MYO9B: variants seen among roughly 807,000 people sequenced by gnomAD.
The protein encoded by MYO9B is unconventional myosin-IXb.
MYO9B carries 71 observed loss-of-function variants against 229.5 expected under a neutral mutation model. The observed-to-expected ratio is 0.31, with a 90% CI of 0.26 to 0.38. MYO9B has a LOEUF of 0.38. Among genes scored for constraint, MYO9B ranks in the 10% least tolerant of loss-of-function variants. The pLI, the probability that MYO9B is intolerant of heterozygous loss-of-function variation, is 1.00. For missense variants in MYO9B, 2,255 were observed against 2,920.5 expected (o/e 0.77, Z 5.25); for synonymous variants, 1,185 against 1,235.8 (o/e 0.96, Z 0.86).
At position 17,202,019 on chromosome 19, in the gene MYO9B, G is replaced by C; in HGVS notation, c.4657G>C (p.Val1553Leu). The change falls in exon 27 of 40, where the codon GTC (valine) becomes CTC (leucine). Residue 1553 changes from valine to leucine, a missense_variant. Around this residue, in one of 7 missense-constraint regions of MYO9B, gnomAD observed 416 missense variants for 605.5 expected, o/e 0.69. Transcript: ENST00000682292. ...GAGCAACATCAAAACGATGTACTCT[G>C]TCCCGGTATGTGGCGGCCCGGCCTT... Reference protein sequence around the residue: ...FRSNIKTMYSVPNGKIHVGYK... With the variant: ...FRSNIKTMYSLPNGKIHVGYK... 1 of 1,612,442 alleles carries C rather than the reference G, an allele frequency of 6.2e-7. No individual in the cohort carries two copies. Among genetic ancestry groups the C allele is most frequent in the Admixed American group, 1.7e-5 (1 of 59,732 alleles).
rs2073003992 is a variant in MYO9B at position 17,193,054 on chromosome 19, G to A, written c.3120G>A (p.Gln1040=). 1.4e-6 allele frequency: 2 copies of A among 1,457,678 alleles called. No individual in the cohort carries two copies. Among genetic ancestry groups the A allele is most frequent in the Non-Finnish European group, 1.8e-6 (2 of 1,105,102 alleles). 90.3% of individuals were successfully genotyped at this position (1,457,678 alleles called of 1,614,324 possible). A position where few individuals can be genotyped will look rare whatever the true frequency, so the allele number is the denominator to read the frequency against. ...AGAGCCTGTGTCGGGGGCACCTGCA[G>A]CGCAAGAGGTGAGCAGAGCCGGGCC... ...RLQSLCRGHL[Q]RKSFSQMISE... The change falls in exon 21 of 40, where the codon CAG becomes CAA. Residue 1040 remains glutamine (Q), a synonymous_variant. Coordinates refer to ENST00000682292, the MANE Select transcript of MYO9B (RefSeq NM_004145.4). The surrounding 1 kb of genome is among the most constrained non-coding windows in gnomAD (Gnocchi z 4.3).
intron 2 of MYO9B, among the ~76,000 whole-genome samples, chr19:17,105,665 T>C (rs7249490): frequency 0.77 from 116,668 of 151,996 alleles, 45,306 homozygotes; most frequent in African/African-American, 0.87. Flanking sequence ...CCCCACCCTT[T>C]CTGGAGCCTT....
intron 2 of MYO9B, among the ~76,000 whole-genome samples, chr19:17,136,834 G>T (rs2072276268): frequency 6.6e-6 from 1 of 152,160 alleles, no homozygotes; most frequent in Admixed American, 6.6e-5. Context: ...GCTCACACCT[G>T]TAATCTCAGC....
chr19:17,137,813 A>C (rs1178006224), intron 2 of MYO9B, among the ~76,000 whole-genome samples: 2 of 151,690 alleles, frequency 1.3e-5, no homozygotes, highest in Non-Finnish European at 2.9e-5. Context: ...GCGCAAATGC[A>C]GCTGCAGCCT....
chr19:17,117,954 AAAAG>A (rs957330807), intron 2 of MYO9B, among the ~76,000 whole-genome samples: 5 of 151,430 alleles, frequency 3.3e-5, no homozygotes, highest in South Asian at 2.1e-4. Flanking sequence ...AAAAAAAAAA[AAAAG>A]AAAAGACATA....
chr19:17,127,013 AT>A (rs71180364), intron 2 of MYO9B, among the ~76,000 whole-genome samples: 191 of 92,842 alleles, frequency 2.1e-3, no homozygotes, highest in Middle Eastern at 0.01. Flanking sequence ...TCCCCTAAGC[AT>A]TTTTTTTTTT....
chr19:17,137,248 G>T (rs933935643), intron 2 of MYO9B, among the ~76,000 whole-genome samples: 2 of 149,786 alleles, frequency 1.3e-5, no homozygotes, highest in African/African-American at 4.9e-5. Flanking sequence ...AAAAAAGCCA[G>T]GTGCGGTGAT....
At chr19:17,157,414 C>T (rs1282063309) in intron 7 of MYO9B, 1 of 195,384 alleles carries the variant, frequency 5.1e-6, no homozygotes, top group Non-Finnish European at 1.1e-5. Flanking sequence ...AAGAAATTAG[C>T]CAGTGGTGGT....
chr19:17,095,652 T>C (rs2057680358), intron 1 of MYO9B: 1 of 152,272 alleles, frequency 6.6e-6, no homozygotes, highest in Non-Finnish European at 1.5e-5. Context: ...TGAATAGAGC[T>C]GCAGTGGACA....
At chr19:17,146,450 G>A (rs911830017) in intron 3 of MYO9B, among the ~76,000 whole-genome samples, 1 of 151,952 alleles carries the variant, frequency 6.6e-6, no homozygotes, top group Non-Finnish European at 1.5e-5. Context: ...CAGGTGGCTG[G>A]ATAGATGGAT....
intron 2 of MYO9B, among the ~76,000 whole-genome samples, chr19:17,140,279 CA>C (rs2072321573): frequency 2.0e-5 from 3 of 152,168 alleles, no homozygotes. Context: ...AGTTCAAGGT[CA>C]AGGCTCTGGC....
chr19:17,167,801 A>T, intron 10 of MYO9B, 142 bp from the exon 11 acceptor site: 1 of 1,108,530 alleles, frequency 9.0e-7, no homozygotes, highest in Non-Finnish European at 1.3e-6. Context: ...ATTTTAAGCC[A>T]CGCATCAGTT....
intron 2 of MYO9B, among the ~76,000 whole-genome samples, chr19:17,136,663 C>A (rs1169054267): frequency 6.6e-6 from 1 of 152,108 alleles, no homozygotes; most frequent in Admixed American, 6.6e-5. Context: ...ACGCCCCCAT[C>A]ACACAGGATG....
At chr19:17,200,525 A>T in intron 25 of MYO9B, 99 bp downstream of exon 25, 1 of 1,507,836 alleles carries the variant, frequency 6.6e-7, no homozygotes, top group Non-Finnish European at 8.9e-7. Flanking sequence ...CTGTGGGCCA[A>T]GCCCTAGGCA....
intron 2 of MYO9B, among the ~76,000 whole-genome samples, chr19:17,117,344 T>C (rs2057914887): frequency 6.6e-6 from 1 of 152,284 alleles, no homozygotes; most frequent in East Asian, 1.9e-4. Context: ...CACCTAAGGT[T>C]TCCTTCTGTG....
rs145412009 is a variant in MYO9B at position 17,192,949 on chromosome 19, C to T, written c.3015C>T (p.Ala1005=). Residue 1005 remains alanine, a synonymous_variant, in exon 21 of 40, where the codon GCC becomes GCT. Transcript: ENST00000682292. ...VRRALERTQA[A]VYLQASWRGY... is the part of the protein sequence containing the mutation. ...GGGCGCTGGAGAGGACGCAGGCTGC[C>T]GTGTACCTCCAGGCCTCATGGAGGG... 96 of 1,541,312 alleles carry T rather than the reference C, an allele frequency of 6.2e-5. No homozygotes were observed. In the African/African-American group the frequency reaches 9.2e-4, roughly 15 times the overall value.
intron 3 of MYO9B, among the ~76,000 whole-genome samples, chr19:17,145,989 A>G (rs970194974): frequency 1.4e-5 from 2 of 140,058 alleles, no homozygotes; most frequent in Non-Finnish European, 3.0e-5. Context: ...ATGGTTAGAG[A>G]GACAGATGGA....
Position 17,102,136 on chromosome 19 carries a change from T to C in MYO9B, c.419T>C (p.Leu140Pro). 3.7e-6 allele frequency: 6 copies of C among 1,613,560 alleles called. No individual in the cohort carries two copies. The highest frequency in any genetic ancestry group is 5.1e-6 in the Non-Finnish European group (6 of 1,179,884). Reference sequence around the variant, plus strand: ...ACCCGGCGCCTAGTGGAGCGTGGCCTCCTGCCACGGCAGCAGGCGGACTTT... The same window carrying C: ...ACCCGGCGCCTAGTGGAGCGTGGCCCCCTGCCACGGCAGCAGGCGGACTTT... ...TATRRLVERG[L>P]LPRQQADFDD... Residue 140 changes from leucine (L) to proline (P), a missense_variant, in exon 2 of 40, where the codon CTC becomes CCC. By Grantham distance (98) the Leu-to-Pro change is moderately conservative (BLOSUM62 -3). Around this residue, in one of 7 missense-constraint regions of MYO9B, gnomAD observed 386 missense variants for 515.2 expected, o/e 0.75. Transcript: ENST00000682292.
At chr19:17,184,255 G>A (rs1299511601) in intron 16 of MYO9B, among the ~76,000 whole-genome samples, 3 of 152,212 alleles carry the variant, frequency 2.0e-5, no homozygotes, top group African/African-American at 2.4e-5. Flanking sequence ...GGACCCTTCC[G>A]TTTAACACCC....
Sources: allele counts gnomAD v4.1 joint callset (sites outside exome capture counted in the v4.1 genomes callset), GRCh38; gene constraint gnomAD v4.1.1; regional missense constraint gnomAD v4.1.1; non-coding constraint Gnocchi (gnomAD v3.1); transcripts MANE v1.5; gene names NCBI Gene and HGNC (gene_info 2026-07-23, HGNC 2026-07-21).